Variants in BEND2 observed in about 807,000 individuals in gnomAD.
BEND2 encodes the protein BEN domain containing 2, also known as BEN domain-containing protein 2.
In BEND2, 19 loss-of-function variants were observed where a neutral mutation model predicts 43.8. The observed-to-expected ratio is 0.43, with a 90% CI of 0.30 to 0.64. The LOEUF is 0.64. Ranked by LOEUF, BEND2 falls within the 30% of genes least tolerant of loss-of-function variation. The pLI is 0.11. For synonymous variants in BEND2, 226 were observed against 210.1 expected (o/e 1.08, Z -0.66); for missense variants, 544 against 574.0 (o/e 0.95, Z 0.53).
rs1351555194 is a variant in BEND2 at position 18,163,751 on chromosome X, T to C, written c.*1258A>G. The C allele has an allele frequency of 8.9e-6, 1 of 112,309 alleles. No homozygotes were observed. The highest frequency in any genetic ancestry group is 1.9e-5 in the Non-Finnish European group (1 of 53,250). 9.3% of individuals were successfully genotyped at this position (112,309 alleles called of 1,213,427 possible). On this transcript the variant is annotated 3_prime_UTR_variant, in exon 14 of 14. Transcript: ENST00000380033. ...TTTCTTCTTGCCTAGGGTCGAACTG[T>C]ACTTTTCTTTTAAAAAAATTTTATT... is the stretch of plus-strand genomic sequence containing the variant.
chrX:18,212,332 C>T (rs771013539), intron 4 of BEND2, among the ~76,000 whole-genome samples: 1 of 110,674 alleles, frequency 9.0e-6, no homozygotes, highest in Non-Finnish European at 1.9e-5. Flanking sequence ...CTCCTGACCT[C>T]AGGTGATCTA....
rs761459386 is a variant in BEND2, at chrX:18,201,771, G to A, written c.1033+44C>T. Reference sequence around the variant, plus strand: ...CCCTCCCAAAGTGCTGGGATTACAAGTGTGAGCCACCACGCCCAGCATTAT... The same window carrying A: ...CCCTCCCAAAGTGCTGGGATTACAAATGTGAGCCACCACGCCCAGCATTAT... On this transcript the variant is annotated intron_variant, in intron 6 of 13. Transcript: ENST00000380033. The A allele has an allele frequency of 9.4e-6, 11 of 1,175,035 alleles. No homozygotes were observed. The South Asian group carries it at 1.6e-4, about 17-fold the overall frequency.
intron 8 of BEND2, among the ~76,000 whole-genome samples, chrX:18,189,199 CA>C (rs34280162): frequency 0.41 from 29,563 of 72,522 alleles, 5,122 homozygotes; most frequent in Non-Finnish European, 0.51. Flanking sequence ...GAATCCATCT[CA>C]AAAAAAAAAA....
At chrX:18,183,032 ACT>A (rs1296575423) in intron 8 of BEND2, among the ~76,000 whole-genome samples, 1 of 78,362 alleles carries the variant, frequency 1.3e-5, no homozygotes, top group Non-Finnish European at 2.4e-5. Context: ...ACAGAGCGAG[ACT>A]CTGTCTCCAA....
At chrX:18,171,758 C>A (rs962754075) in intron 12 of BEND2, among the ~76,000 whole-genome samples, 1 of 111,907 alleles carries the variant, frequency 8.9e-6, no homozygotes, top group African/African-American at 3.2e-5. Flanking sequence ...TGTTTGTTAC[C>A]TTTTAGGATA....
At chrX:18,217,073 A>G (rs193182052) in intron 1 of BEND2, among the ~76,000 whole-genome samples, 1 of 112,894 alleles carries the variant, frequency 8.9e-6, no homozygotes, top group African/African-American at 3.2e-5. Flanking sequence ...AAACGATGCA[A>G]CTGGTGTTAA....
intron 10 of BEND2, 98 bp from the exon 11 acceptor site, chrX:18,176,191 T>C (rs1924146361): frequency 2.3e-5 from 18 of 770,563 alleles, no homozygotes; most frequent in Non-Finnish European, 3.1e-5. Flanking sequence ...GATGGTTACA[T>C]TGTGTAATGG....
At chrX:18,196,858 C>G (rs1344140482) in intron 6 of BEND2, among the ~76,000 whole-genome samples, 1 of 111,009 alleles carries the variant, frequency 9.0e-6, no homozygotes, top group Non-Finnish European at 1.9e-5. Flanking sequence ...GATGAGGCAG[C>G]CTGGTGGTGA....
intron 4 of BEND2, among the ~76,000 whole-genome samples, chrX:18,204,227 T>C (rs1245906271): frequency 8.9e-6 from 1 of 112,395 alleles, no homozygotes; most frequent in Non-Finnish European, 1.9e-5. Flanking sequence ...AACATAAAAA[T>C]ACTCAGTGTT....
chrX:18,213,536 C>T (rs763902805), intron 3 of BEND2, among the ~76,000 whole-genome samples: 8 of 111,175 alleles, frequency 7.2e-5, no homozygotes, highest in Non-Finnish European at 1.3e-4. Context: ...AGAGAGAAAT[C>T]AAAAGGGGAT....
At position 18,165,090 on chromosome X, in the gene BEND2, C is replaced by G. The variant is rs1288887310; in HGVS notation, c.2319G>C (p.Gln773His). The change falls in exon 14 of 14, where the codon CAG (glutamine) becomes CAC (histidine). Residue 773 changes from glutamine (Q) to histidine (H), a missense_variant. This residue lies in a region of BEND2 where 43 missense variants were observed against 72.4 expected (regional missense o/e 0.59). Transcript: ENST00000380033. Reference protein sequence around the residue: ...HDVRRAEARSQSLPAVTPPEL... With the variant: ...HDVRRAEARSHSLPAVTPPEL... The stretch of plus-strand genomic sequence containing the variant: ...CTGGAGGGGTCACTGCTGGAAGCGA[C>G]TGAGACCTGGCTTCAGCCCTTCTGA... 1 of 1,210,447 alleles carries G rather than the reference C, an allele frequency of 8.3e-7. No individual in the cohort carries two copies. The highest frequency in any genetic ancestry group is 1.1e-6 in the Non-Finnish European group (1 of 895,534).
intron 7 of BEND2, among the ~76,000 whole-genome samples, chrX:18,192,959 G>A (rs1924821386): frequency 9.0e-6 from 1 of 111,075 alleles, no homozygotes; most frequent in Non-Finnish European, 1.9e-5. Flanking sequence ...GGCCAACATG[G>A]TGAAACCCCA....
In BEND2 at chrX:18,207,144, C is replaced by A. The variant is rs776173400; in HGVS notation, c.493-3229G>T. Among the ~76,000 whole-genome samples, 6 of 111,757 alleles carry A rather than the reference C, an allele frequency of 5.4e-5. No homozygotes were observed. In the East Asian group the frequency reaches 1.7e-3, roughly 32 times the overall value. ...CCCAGCTCGCCTCTGCACCCACTTCCCCCCAAGACTGCATGTGTCCCTTGG... is the reference window on the plus strand; with the variant it reads ...CCCAGCTCGCCTCTGCACCCACTTCACCCCAAGACTGCATGTGTCCCTTGG... On this transcript the variant is annotated intron_variant, in intron 4 of 13. Coordinates refer to ENST00000380033, the MANE Select transcript of BEND2 (RefSeq NM_153346.5).
At chrX:18,199,231 G>A (rs1466139679) in intron 6 of BEND2, among the ~76,000 whole-genome samples, 1 of 111,159 alleles carries the variant, frequency 9.0e-6, no homozygotes, top group Non-Finnish European at 1.9e-5. Flanking sequence ...AGGTTACACA[G>A]CATTTAGTTG....
chrX:18,188,728 T>C (rs1924655684), intron 8 of BEND2, among the ~76,000 whole-genome samples: 2 of 111,629 alleles, frequency 1.8e-5, no homozygotes, highest in African/African-American at 6.5e-5. Context: ...CTACTCAAAC[T>C]ATTCCCAAAA....
chrX:18,196,175 T>C (rs1278781344), intron 6 of BEND2, among the ~76,000 whole-genome samples: 1 of 109,071 alleles, frequency 9.2e-6, no homozygotes, highest in Non-Finnish European at 1.9e-5. Flanking sequence ...GGTGGGTGCC[T>C]GTAATCCCAG....
chrX:18,171,403 A>ACAAT (rs753458213), intron 12 of BEND2, among the ~76,000 whole-genome samples, 199 bp from the exon 13 acceptor site: 15 of 112,016 alleles, frequency 1.3e-4, no homozygotes, highest in Admixed American at 9.5e-4. Context: ...ATGCAGTAGC[A>ACAAT]CAATCATGGC....
At chrX:18,208,138 C>G (rs751360265) in intron 4 of BEND2, among the ~76,000 whole-genome samples, 1 of 111,198 alleles carries the variant, frequency 9.0e-6, no homozygotes, top group East Asian at 2.8e-4. Flanking sequence ...GTGTTGGAAT[C>G]CAGAAAGATG....
intron 8 of BEND2, among the ~76,000 whole-genome samples, chrX:18,184,122 T>C (rs1039421861): frequency 6.3e-5 from 7 of 111,109 alleles, no homozygotes; most frequent in African/African-American, 2.3e-4. Flanking sequence ...CACAGGGGTG[T>C]TTGTGTCACC....
Sources: gnomAD v4.1 joint callset for allele counts (sites outside exome capture counted in the v4.1 genomes callset) on GRCh38, gnomAD v4.1.1 for gene constraint, gnomAD v4.1.1 regional missense constraint, MANE v1.5 for transcripts, NCBI Gene and HGNC (gene_info 2026-07-23, HGNC 2026-07-21) for gene names.